Variants in ELOVL7 observed in about 807,000 individuals in gnomAD.
ELOVL7 encodes ELOVL fatty acid elongase 7.
In ELOVL7, 27 loss-of-function variants were observed where a neutral mutation model predicts 35.7. That is an observed-to-expected ratio of 0.76 (90% CI 0.56 to 1.04). The LOEUF is 1.04. Among genes scored for constraint, ELOVL7 ranks in the 50% least tolerant of loss-of-function variants. ELOVL7 has a pLI of 0.00. For missense variants in ELOVL7, 327 were observed against 340.8 expected (o/e 0.96, Z 0.32); for synonymous variants, 113 against 114.6 (o/e 0.99, Z 0.09).
At chr5:60,794,206 G>C (rs758742307) in intron 2 of ELOVL7, among the ~76,000 whole-genome samples, 1 of 152,178 alleles carries the variant, frequency 6.6e-6, no homozygotes, top group Non-Finnish European at 1.5e-5. Flanking sequence ...ATTTGGTAAC[G>C]AAGTGACTTA....
intron 1 of ELOVL7, among the ~76,000 whole-genome samples, chr5:60,811,244 A>C (rs1362376468): frequency 6.6e-6 from 1 of 152,146 alleles, no homozygotes; most frequent in African/African-American, 2.4e-5. Context: ...TAGAAGGAAA[A>C]AACCAGTATA....
At chr5:60,759,619 T>A (rs960264726) in intron 7 of ELOVL7, among the ~76,000 whole-genome samples, 2 of 151,588 alleles carry the variant, frequency 1.3e-5, no homozygotes, top group Non-Finnish European at 2.9e-5. Flanking sequence ...TTTTTTTTTT[T>A]AATTTGTCTA....
chr5:60,814,019 A>T (rs929298500), intron 1 of ELOVL7, among the ~76,000 whole-genome samples: 11 of 152,210 alleles, frequency 7.2e-5, no homozygotes, highest in African/African-American at 2.7e-4. Flanking sequence ...GCTTTCATAC[A>T]TTAACCAAGA....
At chr5:60,778,050 GT>G (rs2112203805) in intron 3 of ELOVL7, among the ~76,000 whole-genome samples, 1 of 152,316 alleles carries the variant, frequency 6.6e-6, no homozygotes, top group Non-Finnish European at 1.5e-5. Context: ...ATTTGTCACA[GT>G]TCTAAATCAG....
chr5:60,802,061 CATATAT>C lies in ELOVL7; in HGVS notation c.-85-2837_-85-2832del, dbSNP rs59849955. ...GAGCCAATTCTCCCTAATAAACTCT[CATATAT>C]ATATATATATATATATATATATATA... On this transcript the variant is annotated intron_variant, in intron 1 of 8. Transcript: ENST00000508821. Among the ~76,000 whole-genome samples, 236 of 77,058 alleles carry C rather than the reference CATATAT, an allele frequency of 3.1e-3. 2 individuals are homozygous for C. Among genetic ancestry groups the C allele is most frequent in the Admixed American group, 9.7e-3 (56 of 5,776 alleles). 50.6% of individuals were successfully genotyped at this position (77,058 alleles called of 152,430 possible).
chr5:60,769,649 T>A (rs916476224), intron 4 of ELOVL7, among the ~76,000 whole-genome samples: 1 of 152,226 alleles, frequency 6.6e-6, no homozygotes, highest in African/African-American at 2.4e-5. Context: ...ATGGATGGCA[T>A]GCTGTGTGGC....
In ELOVL7 at chr5:60,781,147, T is replaced by A. The variant is rs780962916; in HGVS notation, c.64+6187A>T. 6.0e-5 allele frequency among the ~76,000 whole-genome samples: 9 copies of A among 150,522 alleles called. No individual in the cohort carries two copies. In the South Asian group the frequency reaches 1.7e-3, roughly 28 times the overall value. On this transcript the variant is annotated intron_variant, in intron 3 of 8. Transcript: ENST00000508821. ...AGAGCCTGAACCCGGGAGGTGGAGG[T>A]TGCAGTGAACCGGAGATCATGCCAT...
chr5:60,776,965 T>C (rs1465331357), intron 3 of ELOVL7, among the ~76,000 whole-genome samples: 1 of 152,100 alleles, frequency 6.6e-6, no homozygotes, highest in Non-Finnish European at 1.5e-5. Flanking sequence ...TTATAATTGG[T>C]TAAACACAGG....
intron 1 of ELOVL7, among the ~76,000 whole-genome samples, chr5:60,804,201 C>T (rs1744801976): frequency 6.6e-6 from 1 of 152,178 alleles, no homozygotes; most frequent in Admixed American, 6.5e-5. Flanking sequence ...AACCTTAGCA[C>T]GAGTGCTAAA....
At chr5:60,805,416 C>A (rs1579882588) in intron 1 of ELOVL7, among the ~76,000 whole-genome samples, 1 of 152,246 alleles carries the variant, frequency 6.6e-6, no homozygotes, top group South Asian at 2.1e-4. Flanking sequence ...AGTGGTGGCA[C>A]CTGATTCTGG....
At chr5:60,785,136 T>G (rs1743499339) in intron 3 of ELOVL7, among the ~76,000 whole-genome samples, 1 of 152,006 alleles carries the variant, frequency 6.6e-6, no homozygotes. Flanking sequence ...TCACTCCAAA[T>G]CCCCATATCC....
At chr5:60,814,230 A>G (rs1168024363) in intron 1 of ELOVL7, among the ~76,000 whole-genome samples, 2 of 152,206 alleles carry the variant, frequency 1.3e-5, no homozygotes, top group Admixed American at 1.3e-4. Context: ...TTTCATAATG[A>G]GTTATTATGA....
chr5:60,771,469 T>C (rs773547379), intron 4 of ELOVL7, among the ~76,000 whole-genome samples: 1 of 152,202 alleles, frequency 6.6e-6, no homozygotes, highest in Non-Finnish European at 1.5e-5. Context: ...ATCCCATAGT[T>C]CATCAGAGTA....
chr5:60,797,073 G>A (rs559868272), intron 2 of ELOVL7, among the ~76,000 whole-genome samples: 1 of 152,214 alleles, frequency 6.6e-6, no homozygotes, highest in Non-Finnish European at 1.5e-5. Flanking sequence ...TTTATCTGCT[G>A]GAATTGTCAC....
intron 1 of ELOVL7, among the ~76,000 whole-genome samples, chr5:60,818,674 A>T (rs1362735697): frequency 6.6e-6 from 1 of 152,098 alleles, no homozygotes; most frequent in African/African-American, 2.4e-5. Flanking sequence ...AGAAGAAAAC[A>T]TCAACACAAG....
At chr5:60,778,967 A>C (rs1743073433) in intron 3 of ELOVL7, among the ~76,000 whole-genome samples, 1 of 152,182 alleles carries the variant, frequency 6.6e-6, no homozygotes, top group South Asian at 2.1e-4. Context: ...GGCCAAAACA[A>C]AGGAGCTACA....
At chr5:60,812,446 A>G (rs1745288619) in intron 1 of ELOVL7, among the ~76,000 whole-genome samples, 1 of 152,198 alleles carries the variant, frequency 6.6e-6, no homozygotes, top group Admixed American at 6.5e-5. Context: ...AACAATAGTG[A>G]CAAGCCCTCT....
In ELOVL7 at chr5:60,754,733, CTG is replaced by C; in HGVS notation, c.735_736del (p.Tyr245Ter). ...GAGAAAGAGCAGCAGAAACATGAAA[CTG>C]TAACTCATAATGATGCACGCAAAGA... On this transcript the variant is annotated stop_gained and frameshift_variant, in exon 9 of 9. Transcript: ENST00000508821. LOFTEE classifies it high-confidence loss of function. 1 of 1,614,124 alleles carries C rather than the reference CTG, an allele frequency of 6.2e-7. No homozygotes were observed. Among genetic ancestry groups the C allele is most frequent in the Non-Finnish European group, 8.5e-7 (1 of 1,180,014 alleles).
intron 4 of ELOVL7, among the ~76,000 whole-genome samples, chr5:60,770,368 A>G (rs1452441497): frequency 6.6e-6 from 1 of 152,146 alleles, no homozygotes; most frequent in Non-Finnish European, 1.5e-5. Flanking sequence ...GTTCAATCCT[A>G]TCTTTATAAA....
Sources: gnomAD v4.1 joint callset for allele counts (sites outside exome capture counted in the v4.1 genomes callset) on GRCh38, gnomAD v4.1.1 for gene constraint, MANE v1.5 for transcripts, NCBI Gene and HGNC (gene_info 2026-07-23, HGNC 2026-07-21) for gene names.